ERICH3: variants seen among roughly 807,000 people sequenced by gnomAD.
The protein encoded by ERICH3 is glutamate rich 3, also known as glutamate-rich protein 3.
A neutral mutation model predicts 131.1 loss-of-function variants in ERICH3; 126 were observed. The observed-to-expected ratio is 0.96, with a 90% CI of 0.83 to 1.11. ERICH3 has a LOEUF of 1.11. Among genes scored for constraint, ERICH3 ranks in the 50% most tolerant of loss-of-function variants. ERICH3 has a pLI of 0.00. For missense variants in ERICH3, 2,050 were observed against 1,810.7 expected, an observed-to-expected ratio of 1.13 and a Z score of -2.40; for synonymous variants, 695 against 644.6, an observed-to-expected ratio of 1.08 and a Z score of -1.18.
At chr1:74,595,913 C>T (rs1256137102) in intron 11 of ERICH3, among the ~76,000 whole-genome samples, 1 of 152,034 alleles carries the variant, frequency 6.6e-6, no homozygotes, top group Non-Finnish European at 1.5e-5. Flanking sequence ...CAGAAGCCAT[C>T]TATAACATTC....
intron 1 of ERICH3, among the ~76,000 whole-genome samples, chr1:74,673,025 C>T (rs1325978484): frequency 1.3e-5 from 2 of 152,144 alleles, no homozygotes; most frequent in East Asian, 3.9e-4. Flanking sequence ...AATAATACCC[C>T]CTTTTCCCAA....
Position 74,568,552 on chromosome 1 carries a change from A to T in ERICH3, c.*1906T>A, listed in dbSNP as rs557430246. 2.0e-5 allele frequency: 3 copies of T among 152,298 alleles called. No homozygotes were observed. The highest frequency in any genetic ancestry group is 3.9e-4 in the East Asian group (2 of 5,186). The allele number at this position is 152,298 out of a possible 1,614,324, so 9.4% of individuals were successfully genotyped here. ...ATCTACTCATAAAACTTTAAGACAGATGATGGAGATTTATGATGTGCAGTG... is the reference window on the plus strand; with the variant it reads ...ATCTACTCATAAAACTTTAAGACAGTTGATGGAGATTTATGATGTGCAGTG... On this transcript the variant is annotated 3_prime_UTR_variant, in exon 15 of 15. Coordinates refer to ENST00000326665, the MANE Select transcript of ERICH3 (RefSeq NM_001002912.5).
At chr1:74,621,436 C>T (rs1638396236) in intron 7 of ERICH3, 1 of 152,234 alleles carries the variant, frequency 6.6e-6, no homozygotes, top group Admixed American at 6.5e-5. Flanking sequence ...CTTATTCCAT[C>T]TGAGAGGGAG....
In ERICH3 at chr1:74,576,953, A is replaced by AT. The variant is rs1557663087; in HGVS notation, c.2177-18_2177-17insA. 1.3e-6 allele frequency: 2 copies of AT among 1,590,680 alleles called. No individual in the cohort carries two copies. Among genetic ancestry groups the AT allele is most frequent in the South Asian group, 1.2e-5 (1 of 86,750 alleles). On this transcript the variant is annotated splice_polypyrimidine_tract_variant and intron_variant, in intron 12 of 14. Transcript: ENST00000326665. Reference sequence around the variant, plus strand: ...AATCCTTTCCTAGTTAAAAAAAAAAAAAAGAAAAAAAAGGTCAAATGAATC... The same window carrying AT: ...AATCCTTTCCTAGTTAAAAAAAAAAATAAAGAAAAAAAAGGTCAAATGAATC...
chr1:74,604,603 G>A (rs115528848), intron 10 of ERICH3, among the ~76,000 whole-genome samples: 2,822 of 152,002 alleles, frequency 0.019, 74 homozygotes, highest in African/African-American at 0.064. Context: ...GTTAGCAGGC[G>A]TGAAAACAAC....
chr1:74,583,237 G>T (rs1047668199), intron 12 of ERICH3, among the ~76,000 whole-genome samples: 12 of 152,044 alleles, frequency 7.9e-5, no homozygotes, highest in African/African-American at 2.7e-4. Flanking sequence ...TTGTTTGTTT[G>T]TTTTTACAGT....
rs779101589 is a variant in ERICH3, at chr1:74,572,531, C to T, written c.3179G>A (p.Arg1060Gln). Reference sequence around the variant, plus strand: ...TGTTTTTGGCCTCTCAGCTTTCCTTCGCTCTCTTGCTAAATCTAATTCCTT... The same window carrying T: ...TGTTTTTGGCCTCTCAGCTTTCCTTTGCTCTCTTGCTAAATCTAATTCCTT... Reference protein sequence around the residue: ...LPKELDLARERRKAERPKTSL... With the variant: ...LPKELDLAREQRKAERPKTSL... The change falls in exon 14 of 15, where the codon CGA becomes CAA. Residue 1060 changes from arginine to glutamine, a missense_variant. Transcript: ENST00000326665. 5.0e-6 allele frequency: 8 copies of T among 1,613,964 alleles called. No individual in the cohort carries two copies. Among genetic ancestry groups the T allele is most frequent in the African/African-American group, 1.3e-5 (1 of 74,898 alleles).
At chr1:74,595,870 G>A (rs991488042) in intron 11 of ERICH3, among the ~76,000 whole-genome samples, 1 of 151,956 alleles carries the variant, frequency 6.6e-6, no homozygotes, top group Non-Finnish European at 1.5e-5. Flanking sequence ...GATTGACCAC[G>A]CAAAAAATCA....
intron 11 of ERICH3, among the ~76,000 whole-genome samples, chr1:74,596,436 T>C (rs562806715): frequency 6.6e-6 from 1 of 152,238 alleles, no homozygotes; most frequent in East Asian, 1.9e-4. Context: ...TTGGGGTAAT[T>C]ACATATGCAT....
At chr1:74,646,105 G>C (rs1646480327) in intron 3 of ERICH3, among the ~76,000 whole-genome samples, 1 of 152,068 alleles carries the variant, frequency 6.6e-6, no homozygotes, top group Non-Finnish European at 1.5e-5. Flanking sequence ...ATATGTTGTT[G>C]ATGCTTGGTT....
Position 74,572,451 on chromosome 1 carries a change from T to G in ERICH3, c.3259A>C (p.Lys1087Gln), listed in dbSNP as rs1453910383. ...TCTTCTTTAAAAGCATCTTCATCCT[T>G]GAGTGCATTTGCCCTTGTCACCTCT... is the stretch of plus-strand genomic sequence containing the variant. ...REEVTRANAL[K>Q]DEDAFKEEQK... The change falls in exon 14 of 15, where the codon AAG becomes CAG. Residue 1087 changes from lysine to glutamine, a missense_variant. Coordinates refer to ENST00000326665, the MANE Select transcript of ERICH3 (RefSeq NM_001002912.5). 1 of 1,614,032 alleles carries G rather than the reference T, an allele frequency of 6.2e-7. No individual in the cohort carries two copies. The highest frequency in any genetic ancestry group is 8.5e-7 in the Non-Finnish European group (1 of 1,180,038).
chr1:74,637,366 G>A (rs1439577723), intron 5 of ERICH3, among the ~76,000 whole-genome samples: 2 of 152,064 alleles, frequency 1.3e-5, no homozygotes, highest in Non-Finnish European at 2.9e-5. Flanking sequence ...ATTAGGCCTG[G>A]GTGCTGTGGC....
At chr1:74,576,766 C>T in intron 13 of ERICH3, 129 bp downstream of exon 13, 2 of 801,004 alleles carry the variant, frequency 2.5e-6, no homozygotes, top group South Asian at 2.1e-5. Flanking sequence ...AATAAGCACA[C>T]TTCTTAAAAG....
chr1:74,663,123 A>C (rs2100655705), intron 1 of ERICH3, among the ~76,000 whole-genome samples: 1 of 152,324 alleles, frequency 6.6e-6, no homozygotes, highest in East Asian at 1.9e-4. Flanking sequence ...TAGGTATGGA[A>C]GTTGTCCTGT....
chr1:74,571,096 C>T lies in ERICH3; in HGVS notation c.*18+3G>A. On this transcript the variant is annotated splice_donor_region_variant and intron_variant, in intron 14 of 14. Transcript: ENST00000326665. ...CCTACAAAGACATTACGCTTAAACT[C>T]ACTGTCTGCCAGCAAGTCTCCTAGA... is the stretch of plus-strand genomic sequence containing the variant. 1 of 1,602,326 alleles carries T rather than the reference C, an allele frequency of 6.2e-7. No individual in the cohort carries two copies. The highest frequency in any genetic ancestry group is 8.5e-7 in the Non-Finnish European group (1 of 1,174,464).
At chr1:74,580,636 T>C (rs1332026023) in intron 12 of ERICH3, among the ~76,000 whole-genome samples, 1 of 152,252 alleles carries the variant, frequency 6.6e-6, no homozygotes, top group African/African-American at 2.4e-5. Context: ...GTGGCAAGGA[T>C]AGAGCTGTCA....
intron 4 of ERICH3, 62 bp downstream of exon 4, chr1:74,642,965 C>T: frequency 1.6e-6 from 2 of 1,261,674 alleles, no homozygotes; most frequent in Admixed American, 1.9e-5. Flanking sequence ...CATAGTTTCA[C>T]TGTTTTTTTT....
chr1:74,653,450 G>C (rs1024562145), intron 1 of ERICH3, among the ~76,000 whole-genome samples: 9 of 151,918 alleles, frequency 5.9e-5, no homozygotes, highest in Non-Finnish European at 1.5e-5. Flanking sequence ...GAGAAAGAGA[G>C]AGAGAGGAGA....
intron 7 of ERICH3, among the ~76,000 whole-genome samples, chr1:74,628,575 A>G (rs991618676): frequency 6.6e-6 from 1 of 152,092 alleles, no homozygotes; most frequent in African/African-American, 2.4e-5. Flanking sequence ...TCCAGTCAAC[A>G]GTAGGTTACA....
Sources: gnomAD v4.1 joint callset for allele counts (sites outside exome capture counted in the v4.1 genomes callset) on GRCh38, gnomAD v4.1.1 for gene constraint, MANE v1.5 for transcripts, NCBI Gene and HGNC (gene_info 2026-07-23, HGNC 2026-07-21) for gene names.